The following CDKN2B-AS1 variants were observed in gnomAD, a reference collection of about 807,000 sequenced individuals.
The protein encoded by CDKN2B-AS1 is CDKN2B and CDKN2A antisense cis and trans regulatory RNA 1.
At chr9:22,014,182 A>G (rs1031556092) in intron 1 of CDKN2B-AS1, among the ~76,000 whole-genome samples, 4 of 152,128 alleles carry the variant, frequency 2.6e-5, no homozygotes, top group Non-Finnish European at 4.4e-5. Context: ...TTATTATTTG[A>G]GACAGAGTCT....
intron 1 of CDKN2B-AS1, among the ~76,000 whole-genome samples, chr9:22,010,646 C>T (rs1302580739): frequency 2.0e-5 from 3 of 152,314 alleles, no homozygotes; most frequent in East Asian, 3.9e-4. Context: ...AATCTACTGA[C>T]AGAGCCTCAA....
rs1820735561 is a variant in CDKN2B-AS1 at position 21,997,417 on chromosome 9, A to G, written n.29+2256A>G. Among the ~76,000 whole-genome samples the G allele has an allele frequency of 2.6e-5, 4 of 152,076 alleles. No homozygotes were observed. The highest frequency in any genetic ancestry group is 4.2e-4 in the South Asian group (2 of 4,802). On this transcript the variant is annotated intron_variant and non_coding_transcript_variant, in intron 1 of 4. Coordinates refer to ENST00000650946, the Ensembl canonical transcript of CDKN2B-AS1. The surrounding 1 kb of genome is among the most constrained non-coding windows in gnomAD (Gnocchi z 4.8). ...GCACATGACTCTGTGTGTGTATACAATTTTATATATACGTACATTATATGT... is the reference window on the plus strand; with the variant it reads ...GCACATGACTCTGTGTGTGTATACAGTTTTATATATACGTACATTATATGT...
intron 1 of CDKN2B-AS1, among the ~76,000 whole-genome samples, chr9:22,028,809 A>G (rs1346289170): frequency 6.6e-6 from 1 of 152,158 alleles, no homozygotes; most frequent in East Asian, 1.9e-4. Flanking sequence ...GCCATTATAG[A>G]TTTGAATTGA....
intron 3 of CDKN2B-AS1, among the ~76,000 whole-genome samples, chr9:22,049,765 T>G (rs1240517653): frequency 1.3e-5 from 2 of 152,206 alleles, no homozygotes; most frequent in Non-Finnish European, 2.9e-5. Flanking sequence ...TGTATAGTAT[T>G]GTTAAATAGA....
rs1821210747 is a variant in CDKN2B-AS1 at position 22,006,759 on chromosome 9, T to C, written n.29+11598T>C. Among the ~76,000 whole-genome samples the C allele has an allele frequency of 6.6e-6, 1 of 152,142 alleles. No individual in the cohort carries two copies. Among genetic ancestry groups the C allele is most frequent in the Admixed American group, 6.5e-5 (1 of 15,284 alleles). ...AACAACTAAGTTTTTTTCTTTCTTT[T>C]TTTTTTAATTTATTTAGTTCTCATA... is the stretch of plus-strand genomic sequence containing the variant. On this transcript the variant is annotated intron_variant and non_coding_transcript_variant, in intron 1 of 4. Transcript: ENST00000650946. This position sits in a 1 kb window ranked among gnomAD's most constrained non-coding sequence, Gnocchi z 6.4.
chr9:22,089,869 C>T (rs180804850), intron 4 of CDKN2B-AS1, among the ~76,000 whole-genome samples: 1 of 151,988 alleles, frequency 6.6e-6, no homozygotes, highest in African/African-American at 2.4e-5. Flanking sequence ...GGTACATGTG[C>T]ACAACGTGCA....
intron 1 of CDKN2B-AS1, among the ~76,000 whole-genome samples, chr9:22,024,326 G>C (rs959633059): frequency 6.6e-6 from 1 of 152,218 alleles, no homozygotes; most frequent in Non-Finnish European, 1.5e-5. Context: ...GAGGACCAAG[G>C]TGTGGCAGCT....
chr9:22,105,751 C>G (rs999964697), intron 4 of CDKN2B-AS1, among the ~76,000 whole-genome samples: 1 of 152,068 alleles, frequency 6.6e-6, no homozygotes, highest in East Asian at 1.9e-4. Context: ...CATGTGGGCC[C>G]AGAAATACTG....
At chr9:22,009,359 C>T (rs894306557) in intron 1 of CDKN2B-AS1, 3 of 368,956 alleles carry the variant, frequency 8.1e-6, no homozygotes, top group African/African-American at 6.3e-5. Context: ...GGGCCGGCGT[C>T]TCCCCACCCC....
intron 1 of CDKN2B-AS1, among the ~76,000 whole-genome samples, chr9:22,031,574 A>AT (rs759747216): frequency 2.0e-5 from 3 of 152,160 alleles, no homozygotes; most frequent in African/African-American, 7.2e-5. Flanking sequence ...TAAAAGTAAA[A>AT]TTTTTTGTAT....
intron 1 of CDKN2B-AS1, among the ~76,000 whole-genome samples, chr9:22,032,056 C>T (rs1035119573): frequency 2.0e-5 from 3 of 152,176 alleles, no homozygotes; most frequent in Non-Finnish European, 4.4e-5. Context: ...GATGAGGCCC[C>T]CAGCCTTGGT....
chr9:22,036,207 T>C (rs1031073351), intron 1 of CDKN2B-AS1, among the ~76,000 whole-genome samples: 2 of 152,138 alleles, frequency 1.3e-5, no homozygotes, highest in African/African-American at 4.8e-5. Flanking sequence ...ATTGAAATTA[T>C]ATTGTGCATG....
intron 4 of CDKN2B-AS1, among the ~76,000 whole-genome samples, chr9:22,060,990 G>A (rs530060363): frequency 6.6e-6 from 1 of 152,140 alleles, no homozygotes; most frequent in Middle Eastern, 3.2e-3. Flanking sequence ...TTGAGATTTG[G>A]TAGGGACACA....
intron 4 of CDKN2B-AS1, among the ~76,000 whole-genome samples, chr9:22,084,227 T>A (rs1179416606): frequency 6.6e-6 from 1 of 152,198 alleles, no homozygotes; most frequent in Non-Finnish European, 1.5e-5. Context: ...CCCAAGTCTC[T>A]TTCTGACTCT....
chr9:22,009,214 T>A, intron 1 of CDKN2B-AS1: 2 of 594,108 alleles, frequency 3.4e-6, no homozygotes, highest in Non-Finnish European at 6.0e-6. Flanking sequence ...AAAAAGCGCC[T>A]AGCGCGGACG....
rs116715359 is a variant in CDKN2B-AS1, at chr9:22,031,982, A to G, written n.30-14769A>G. Reference sequence around the variant, plus strand: ...CCTCAGTTCAATATCCCTCAAAGAAATGAATCTTACCAACAGCCAGTTGTG... The same window carrying G: ...CCTCAGTTCAATATCCCTCAAAGAAGTGAATCTTACCAACAGCCAGTTGTG... On this transcript the variant is annotated intron_variant and non_coding_transcript_variant, in intron 1 of 4. Transcript: ENST00000650946. Among the ~76,000 whole-genome samples the G allele has an allele frequency of 3.8e-3, 584 of 152,310 alleles. 7 individuals are homozygous for G. The highest frequency in any genetic ancestry group is 0.013 in the African/African-American group (548 of 41,564).
chr9:22,101,588 C>G (rs1288359488), intron 4 of CDKN2B-AS1, among the ~76,000 whole-genome samples: 1 of 151,874 alleles, frequency 6.6e-6, no homozygotes, highest in Non-Finnish European at 1.5e-5. Context: ...TTTCAGCTTT[C>G]TCTGGTGAAT....
At chr9:22,031,270 A>T (rs1258737966) in intron 1 of CDKN2B-AS1, among the ~76,000 whole-genome samples, 1 of 152,212 alleles carries the variant, frequency 6.6e-6, no homozygotes, top group Non-Finnish European at 1.5e-5. Context: ...CAAATACCTT[A>T]AAAGAGTTAC....
Position 22,006,400 on chromosome 9 carries a change from C to T in CDKN2B-AS1, n.29+11239C>T. On this transcript the variant is annotated intron_variant and non_coding_transcript_variant, in intron 1 of 4. Transcript: ENST00000650946. This position sits in a 1 kb window ranked among gnomAD's most constrained non-coding sequence, Gnocchi z 6.4. ...TTCAGGTCTCTGATGTCTGGTGTTT[C>T]TTCATTTGCTGATGCAATCCACTTT... is the stretch of plus-strand genomic sequence containing the variant. 1 of 1,044,776 alleles carries T rather than the reference C, an allele frequency of 9.6e-7. No individual in the cohort carries two copies. The highest frequency in any genetic ancestry group is 1.4e-5 in the South Asian group (1 of 70,504). 64.7% of individuals were successfully genotyped at this position (1,044,776 alleles called of 1,614,324 possible). A position where few individuals can be genotyped will look rare whatever the true frequency, so the allele number is the denominator to read the frequency against.
Sources: allele counts gnomAD v4.1 joint callset (sites outside exome capture counted in the v4.1 genomes callset), GRCh38; gene constraint gnomAD v4.1.1; non-coding constraint Gnocchi (gnomAD v3.1); transcripts MANE v1.5; gene names NCBI Gene and HGNC (gene_info 2026-07-23, HGNC 2026-07-21).